SH3RF3: variants seen among roughly 807,000 people sequenced by gnomAD.
The protein encoded by SH3RF3 is E3 ubiquitin-protein ligase SH3RF3.
In SH3RF3, 29 loss-of-function variants were observed where a neutral mutation model predicts 66.3. That is an observed-to-expected ratio of 0.44 (90% CI 0.33 to 0.60). SH3RF3 has a LOEUF of 0.60. SH3RF3 is among the 20% of genes least tolerant of loss of function. The pLI, the probability that SH3RF3 is intolerant of heterozygous loss-of-function variation, is 0.04. For missense variants in SH3RF3, 1,194 were observed against 1,190.9 expected (o/e 1.00, Z -0.04); for synonymous variants, 583 against 532.0 (o/e 1.10, Z -1.32).
At chr2:109,202,088 C>G (rs1413745063) in intron 1 of SH3RF3, among the ~76,000 whole-genome samples, 1 of 152,234 alleles carries the variant, frequency 6.6e-6, no homozygotes, top group South Asian at 2.1e-4. Context: ...GGCACACAGC[C>G]TCCCCTCGAG....
chr2:109,140,145 A>G (rs1676913330), intron 1 of SH3RF3, among the ~76,000 whole-genome samples: 1 of 151,864 alleles, frequency 6.6e-6, no homozygotes, highest in African/African-American at 2.4e-5. Flanking sequence ...CTGCACCATC[A>G]CTGTCACTTC....
intron 1 of SH3RF3, among the ~76,000 whole-genome samples, chr2:109,323,737 T>C (rs916042577): frequency 2.6e-5 from 4 of 152,268 alleles, no homozygotes; most frequent in Admixed American, 2.6e-4. Context: ...AGAGTGGGCA[T>C]GAGGATGCTT....
At chr2:109,484,867 T>G (rs1226325392) in intron 8 of SH3RF3, among the ~76,000 whole-genome samples, 1 of 152,176 alleles carries the variant, frequency 6.6e-6, no homozygotes, top group Non-Finnish European at 1.5e-5. Flanking sequence ...TCCACTTGTG[T>G]CTGAACATCT....
rs138087318 is a variant in SH3RF3 at position 109,348,935 on chromosome 2, C to T, written c.849+986C>T. On this transcript the variant is annotated intron_variant, in intron 2 of 9. Transcript: ENST00000309415. Reference sequence around the variant, plus strand: ...CAGGGAATTCTTCCCTTATGTCGGCCTCACTGTATTTTAGATGCCCAGAAG... The same window carrying T: ...CAGGGAATTCTTCCCTTATGTCGGCTTCACTGTATTTTAGATGCCCAGAAG... Among the ~76,000 whole-genome samples, 771 of 152,280 alleles carry T rather than the reference C, an allele frequency of 5.1e-3. 4 individuals carry two copies. Among genetic ancestry groups the T allele is most frequent in the African/African-American group, 0.016 (654 of 41,542 alleles).
chr2:109,419,640 C>T lies in SH3RF3; in HGVS notation c.1401C>T (p.Asn467=), dbSNP rs1462475062. The T allele has an allele frequency of 4.4e-6, 7 of 1,573,460 alleles. No individual in the cohort carries two copies. Among genetic ancestry groups the T allele is most frequent in the African/African-American group, 1.3e-5 (1 of 74,340 alleles). ...GTPPKVQLPL[N]VYLALYAYKP... Reference sequence around the variant, plus strand: ...CTCCCAAGGTCCAGCTGCCCCTCAACGTGTGAGCTGCCCTTTGTGTCTGTC... The same window carrying T: ...CTCCCAAGGTCCAGCTGCCCCTCAATGTGTGAGCTGCCCTTTGTGTCTGTC... The change falls in exon 5 of 10, where the codon AAC becomes AAT. Residue 467 remains asparagine, a splice_region_variant and synonymous_variant. Transcript: ENST00000309415.
intron 1 of SH3RF3, among the ~76,000 whole-genome samples, chr2:109,276,006 C>T (rs1289548799): frequency 6.6e-6 from 1 of 152,200 alleles, no homozygotes; most frequent in East Asian, 1.9e-4. Context: ...CATTTGGTCT[C>T]CAATCCTGGA....
chr2:109,355,225 C>G (rs1290784370), intron 2 of SH3RF3, among the ~76,000 whole-genome samples: 2 of 152,136 alleles, frequency 1.3e-5, no homozygotes, highest in African/African-American at 4.8e-5. Context: ...CGAAATTGAG[C>G]TTTGTATCTG....
intron 8 of SH3RF3, among the ~76,000 whole-genome samples, chr2:109,485,020 AG>A (rs1678932540): frequency 6.6e-6 from 1 of 152,246 alleles, no homozygotes; most frequent in African/African-American, 2.4e-5. Flanking sequence ...TGCTGAAAAT[AG>A]TACGTAACCC....
chr2:109,196,184 C>G (rs1678495072), intron 1 of SH3RF3, among the ~76,000 whole-genome samples: 1 of 152,240 alleles, frequency 6.6e-6, no homozygotes, highest in Non-Finnish European at 1.5e-5. Flanking sequence ...GAGCTGCAGC[C>G]TGGAGGCCTT....
chr2:109,463,143 T>G (rs907349696), intron 8 of SH3RF3, among the ~76,000 whole-genome samples: 4 of 152,214 alleles, frequency 2.6e-5, no homozygotes, highest in Non-Finnish European at 4.4e-5. Flanking sequence ...TGACTCTGTT[T>G]TGTGATTCAA....
intron 4 of SH3RF3, among the ~76,000 whole-genome samples, chr2:109,409,072 T>C (rs1676523199): frequency 6.6e-6 from 1 of 152,200 alleles, no homozygotes; most frequent in Admixed American, 6.5e-5. Context: ...CTTGTTGACG[T>C]TTTGAGATTT....
At chr2:109,164,435 C>G (rs1382831068) in intron 1 of SH3RF3, among the ~76,000 whole-genome samples, 1 of 152,192 alleles carries the variant, frequency 6.6e-6, no homozygotes, top group African/African-American at 2.4e-5. Flanking sequence ...TCTCCTGCCT[C>G]AGCTTCCTGA....
chr2:109,251,512 T>C (rs1396672975), intron 1 of SH3RF3: 12 of 742,444 alleles, frequency 1.6e-5, no homozygotes, highest in Admixed American at 1.6e-4. Context: ...CCAAGGAATA[T>C]TGTGGTCATT....
rs150655758 is a variant in SH3RF3 at position 109,198,941 on chromosome 2, G to C, written c.573+68828G>C. On this transcript the variant is annotated intron_variant, in intron 1 of 9. Transcript: ENST00000309415. ...GCAGAAAAGGTACAGTAAAAATACA[G>C]TCTTATGGGACCCCATGGTATATGC... Among the ~76,000 whole-genome samples the C allele has an allele frequency of 1.2e-3, 177 of 152,312 alleles. 1 individual carries two copies. The highest frequency in any genetic ancestry group is 3.1e-3 in the African/African-American group (127 of 41,554).
chr2:109,237,903 G>A (rs1312370635), intron 1 of SH3RF3, among the ~76,000 whole-genome samples: 1 of 152,172 alleles, frequency 6.6e-6, no homozygotes, highest in Non-Finnish European at 1.5e-5. Context: ...AATAAGCTAT[G>A]GTATATAAAT....
At chr2:109,467,093 A>G (rs1678372250) in intron 8 of SH3RF3, among the ~76,000 whole-genome samples, 1 of 152,248 alleles carries the variant, frequency 6.6e-6, no homozygotes, top group Admixed American at 6.5e-5. Flanking sequence ...TGGTTCAGCA[A>G]TTTTTTAAGA....
At chr2:109,469,596 G>A (rs1459154260) in intron 8 of SH3RF3, among the ~76,000 whole-genome samples, 1 of 151,830 alleles carries the variant, frequency 6.6e-6, no homozygotes, top group Non-Finnish European at 1.5e-5. Context: ...AGGTGGGCTG[G>A]CAATGGGAGC....
chr2:109,149,530 G>A (rs749478859), intron 1 of SH3RF3, among the ~76,000 whole-genome samples: 1 of 152,174 alleles, frequency 6.6e-6, no homozygotes, highest in Non-Finnish European at 1.5e-5. Flanking sequence ...GGACCCAAGG[G>A]GAATTCGCTT....
At chr2:109,183,867 C>T (rs17035082) in intron 1 of SH3RF3, among the ~76,000 whole-genome samples, 6,171 of 152,280 alleles carry the variant, frequency 0.041, 397 homozygotes, top group African/African-American at 0.14. Context: ...GCCATTCTCT[C>T]TAGGGCATTG....
Sources: allele counts gnomAD v4.1 joint callset (sites outside exome capture counted in the v4.1 genomes callset), GRCh38; gene constraint gnomAD v4.1.1; transcripts MANE v1.5; gene names NCBI Gene and HGNC (gene_info 2026-07-23, HGNC 2026-07-21).